The following C20orf96 variants were observed in gnomAD, a reference collection of about 807,000 sequenced individuals.
The protein encoded by C20orf96 is chromosome 20 open reading frame 96.
Under a neutral mutation model 52.6 loss-of-function variants are expected in C20orf96, and 57 were observed. The ratio of observed to expected loss-of-function variants is 1.08; its 90% confidence interval spans 0.88 to 1.35. The LOEUF (loss-of-function observed/expected upper bound fraction) is 1.35, where lower values mean the gene tolerates loss of function less well. Among genes scored for constraint, C20orf96 ranks in the 40% most tolerant of loss-of-function variants. C20orf96 has a pLI of 0.00. For missense variants in C20orf96, 478 were observed against 443.6 expected, an observed-to-expected ratio of 1.08 and a Z score of -0.70; for synonymous variants, 168 against 157.2, an observed-to-expected ratio of 1.07 and a Z score of -0.51.
chr20:277,978 T>C (rs894491985), intron 6 of C20orf96, among the ~76,000 whole-genome samples: 4 of 152,182 alleles, frequency 2.6e-5, no homozygotes, highest in African/African-American at 7.2e-5. Flanking sequence ...CAGGCTAGGA[T>C]TGGATTCTGG....
In C20orf96 at chr20:270,973, C is replaced by A. The variant is rs549078821; in HGVS notation, c.*234G>T. On this transcript the variant is annotated 3_prime_UTR_variant, in exon 11 of 11. Coordinates refer to ENST00000360321, the MANE Select transcript of C20orf96 (RefSeq NM_153269.3). ...AAGAAGGGAAGAAGAGAGGAAAAAA[C>A]CACAGGAAGAAAGAAAGGAGGGAGG... The A allele has an allele frequency of 1.2e-4, 60 of 515,212 alleles. No individual in the cohort carries two copies. The highest frequency in any genetic ancestry group is 1.0e-3 in the Middle Eastern group (2 of 1,986). The allele number at this position is 515,212 out of a possible 1,614,324, so 31.9% of individuals were successfully genotyped here.
chr20:290,194 TG>T, intron 2 of C20orf96, 64 bp downstream of exon 2: 1 of 1,272,012 alleles, frequency 7.9e-7, no homozygotes, highest in Non-Finnish European at 1.1e-6. Flanking sequence ...ACCGTGAGAG[TG>T]GAGAGCAGGT....
rs1555771840 is a variant in C20orf96, at chr20:290,584, T to TA, written c.20+6dup. The TA allele has an allele frequency of 0.015, 23,435 of 1,519,134 alleles. 592 individuals are homozygous for TA. The highest frequency in any genetic ancestry group is 0.022 in the East Asian group (916 of 41,800). 94.1% of individuals were successfully genotyped at this position (1,519,134 alleles called of 1,614,324 possible). ...TCCAATTTTTTTTTTTTTTTTTTTT[T>TA]ACCTACTTTTGTAAGACATGCGCCA... On this transcript the variant is annotated splice_region_variant and intron_variant, in intron 1 of 10. Coordinates refer to ENST00000360321, the MANE Select transcript of C20orf96 (RefSeq NM_153269.3).
chr20:273,300 T>C (rs2011900672), intron 10 of C20orf96, among the ~76,000 whole-genome samples: 1 of 152,196 alleles, frequency 6.6e-6, no homozygotes, highest in Non-Finnish European at 1.5e-5. Context: ...AAACTGACTT[T>C]TTTGGAATAC....
intron 4 of C20orf96, 79 bp from the exon 5 acceptor site, chr20:279,409 C>A: frequency 2.1e-6 from 3 of 1,436,896 alleles, no homozygotes; most frequent in Non-Finnish European, 2.7e-6. Flanking sequence ...GGACCCGCCG[C>A]CCCGGCCCCG....
intron 10 of C20orf96, among the ~76,000 whole-genome samples, chr20:274,320 C>A (rs533639279): frequency 5.3e-5 from 8 of 152,200 alleles, no homozygotes; most frequent in African/African-American, 1.7e-4. Context: ...GGGGTATGAC[C>A]ACCAGAATGG....
At chr20:281,396 C>T (rs926626901) in intron 4 of C20orf96, among the ~76,000 whole-genome samples, 1 of 152,118 alleles carries the variant, frequency 6.6e-6, no homozygotes, top group African/African-American at 2.4e-5. Flanking sequence ...CACTCATGTG[C>T]ACTCAGTGAA....
chr20:274,888 C>T (rs999781440), intron 10 of C20orf96, among the ~76,000 whole-genome samples: 3 of 152,040 alleles, frequency 2.0e-5, no homozygotes, highest in East Asian at 1.9e-4. Flanking sequence ...GGCACAATCT[C>T]GGCTGACCGC....
intron 1 of C20orf96, 126 bp from the exon 2 acceptor site, chr20:290,433 G>C (rs2122341548): frequency 6.5e-7 from 1 of 1,543,048 alleles, no homozygotes; most frequent in Non-Finnish European, 8.8e-7. Context: ...ATAGCCCCGC[G>C]GGAGTGGGGC....
chr20:272,747 T>C (rs112356986), intron 10 of C20orf96, among the ~76,000 whole-genome samples: 3 of 152,256 alleles, frequency 2.0e-5, no homozygotes, highest in African/African-American at 7.2e-5. Context: ...ACCACCCCAT[T>C]ATAAAAGTCA....
In C20orf96 at chr20:290,288, G is replaced by C; in HGVS notation, c.40C>G (p.His14Asp). 2 of 1,612,876 alleles carry C rather than the reference G, an allele frequency of 1.2e-6. No homozygotes were observed. Among genetic ancestry groups the C allele is most frequent in the Non-Finnish European group, 1.7e-6 (2 of 1,179,450 alleles). ...ACCTGGAACTCCTGGACTATGGAGT[G>C]AGTCCCAGAGTGCTTGGGTCTGGAA... ...VLQKPKHSGT[H>D]SIVQEFQVPD... The change falls in exon 2 of 11, where the codon CAC becomes GAC. Residue 14 changes from histidine (H) to aspartate (D), a missense_variant. Physicochemically the swap from His to Asp is moderately conservative, Grantham distance 81 (BLOSUM62 -1). Coordinates refer to ENST00000360321, the MANE Select transcript of C20orf96 (RefSeq NM_153269.3).
At chr20:275,931 G>A (rs370881636) in intron 10 of C20orf96, 37 bp downstream of exon 10, 1 of 1,575,262 alleles carries the variant, frequency 6.3e-7, no homozygotes, top group African/African-American at 1.3e-5. Flanking sequence ...CTCAGAGTGT[G>A]ACTGGTTTAA....
Position 283,962 on chromosome 20 carries a change from C to G in C20orf96, c.306+1G>C. 6.2e-7 allele frequency: 1 copy of G among 1,603,312 alleles called. No individual in the cohort carries two copies. Reference sequence around the variant, plus strand: ...GTGTCCAGGGAAGATGTGCCTCATACCTTCATTAACCAGATTTTGGCATGC... The same window carrying G: ...GTGTCCAGGGAAGATGTGCCTCATAGCTTCATTAACCAGATTTTGGCATGC... On this transcript the variant is annotated splice_donor_variant, in intron 4 of 10. Coordinates refer to ENST00000360321, the MANE Select transcript of C20orf96 (RefSeq NM_153269.3). LOFTEE classifies it high-confidence loss of function.
intron 6 of C20orf96, 124 bp downstream of exon 6, chr20:278,206 T>A (rs2012091772): frequency 2.6e-6 from 2 of 761,962 alleles, no homozygotes; most frequent in Admixed American, 1.8e-5. Flanking sequence ...AGCATTCCCA[T>A]CTGCCAAGAA....
rs181310581 is a variant in C20orf96 at position 279,082 on chromosome 20, C to G, written c.465+90G>C. On this transcript the variant is annotated intron_variant, in intron 5 of 10. Coordinates refer to ENST00000360321, the MANE Select transcript of C20orf96 (RefSeq NM_153269.3). ...ACGGAGGGAGGGAGGGAGGGAGGGA[C>G]GGAGGGCGGGACGGAGGGACGGAGG... The G allele has an allele frequency of 2.5e-3, 899 of 361,756 alleles. 20 individuals carry two copies. The highest frequency in any genetic ancestry group is 5.6e-3 in the Middle Eastern group (5 of 894). The allele number at this position is 361,756 out of a possible 1,614,324, so 22.4% of individuals were successfully genotyped here. A position where few individuals can be genotyped will look rare whatever the true frequency, so the allele number is the denominator to read the frequency against.
At position 277,312 on chromosome 20, in the gene C20orf96, T is replaced by G; in HGVS notation, c.637A>C (p.Thr213Pro). The change falls in exon 7 of 11, where the codon ACT becomes CCT. Residue 213 changes from threonine to proline, a missense_variant. Coordinates refer to ENST00000360321, the MANE Select transcript of C20orf96 (RefSeq NM_153269.3). Reference sequence around the variant, plus strand: ...ATGGAATACTCATGGTCCATGTAAGTGCTCAGGAAGTTCACTTCCTCCTGG... The same window carrying G: ...ATGGAATACTCATGGTCCATGTAAGGGCTCAGGAAGTTCACTTCCTCCTGG... Reference protein sequence around the residue: ...KTQEEVNFLSTYMDHEYSIKS... With the variant: ...KTQEEVNFLSPYMDHEYSIKS... The G allele has an allele frequency of 6.2e-7, 1 of 1,614,122 alleles. No homozygotes were observed.
In C20orf96 at chr20:277,382, A is replaced by C; in HGVS notation, c.567T>G (p.Tyr189Ter). 1 of 1,613,530 alleles carries C rather than the reference A, an allele frequency of 6.2e-7. No homozygotes were observed. The highest frequency in any genetic ancestry group is 1.1e-5 in the South Asian group (1 of 91,064). ...TCAGCTGCTCTGCCTGCTGCTCAAG[A>C]TCTGGGGAGGGGTTAGGGAGGTCAG... ...WEEKKKCKMS[Y>*]LEQQAEQLNA... The change falls in exon 7 of 11, where the codon TAT becomes TAG. Residue 189 changes from tyrosine (Y) to a stop codon, truncating the protein, a stop_gained and splice_region_variant. Coordinates refer to ENST00000360321, the MANE Select transcript of C20orf96 (RefSeq NM_153269.3). LOFTEE classifies it high-confidence loss of function.
intron 5 of C20orf96, among the ~76,000 whole-genome samples, chr20:278,954 G>C (rs868642074): frequency 9.5e-4 from 4 of 4,224 alleles, no homozygotes; most frequent in African/African-American, 1.3e-3. Flanking sequence ...GACGGAGGGA[G>C]GGAGGGCGGG....
rs371895169 is a variant in C20orf96 at position 290,661 on chromosome 20, T to C, written c.-51A>G. On this transcript the variant is annotated 5_prime_UTR_variant, in exon 1 of 11. In the 5' UTR this introduces an upstream ATG that the reference lacks. Coordinates refer to ENST00000360321, the MANE Select transcript of C20orf96 (RefSeq NM_153269.3). ...AGTCTGTGAGACCCTGATCTTCTGG[T>C]ATAACTACTCGGCTTTTCCAACTTC... is the stretch of plus-strand genomic sequence containing the variant. 32 of 1,609,612 alleles carry C rather than the reference T, an allele frequency of 2.0e-5. No individual in the cohort carries two copies. The African/African-American group carries it at 3.6e-4, about 18-fold the overall frequency.
Sources: allele counts gnomAD v4.1 joint callset (sites outside exome capture counted in the v4.1 genomes callset), GRCh38; gene constraint gnomAD v4.1.1; transcripts MANE v1.5; gene names NCBI Gene and HGNC (gene_info 2026-07-23, HGNC 2026-07-21).